Variants in PIK3C2G observed in about 807,000 individuals in gnomAD.
PIK3C2G encodes phosphatidylinositol-4-phosphate 3-kinase catalytic subunit type 2 gamma.
Under a neutral mutation model 181.1 loss-of-function variants are expected in PIK3C2G, and 168 were observed. That is an observed-to-expected ratio of 0.93 (90% CI 0.82 to 1.05). The LOEUF is 1.05. Ranked by LOEUF, PIK3C2G falls within the 50% of genes least tolerant of loss-of-function variation. The pLI, the probability that PIK3C2G is intolerant of heterozygous loss-of-function variation, is 0.00. For synonymous variants in PIK3C2G, 573 were observed against 592.2 expected, an observed-to-expected ratio of 0.97 and a Z score of 0.47; for missense variants, 1,869 against 1,732.8, an observed-to-expected ratio of 1.08 and a Z score of -1.40.
At chr12:18,244,864 G>T (rs1485264484), upstream of PIK3C2G, among the ~76,000 whole-genome samples, 3 of 151,942 alleles carry the variant, frequency 2.0e-5, no homozygotes, top group Non-Finnish European at 2.9e-5. Context: ...AAAGAAGAAG[G>T]CACAATTTTT....
At chr12:18,645,866 C>T (rs1211491742) in intron 32 of PIK3C2G, among the ~76,000 whole-genome samples, 2 of 152,090 alleles carry the variant, frequency 1.3e-5, no homozygotes, top group African/African-American at 4.8e-5. Flanking sequence ...AGTCCTTAGC[C>T]AGACTTCCCC....
intron 9 of PIK3C2G, among the ~76,000 whole-genome samples, chr12:18,341,445 T>A (rs1353745645): frequency 6.6e-6 from 1 of 152,160 alleles, no homozygotes; most frequent in Non-Finnish European, 1.5e-5. Flanking sequence ...TATATTTTGA[T>A]AAGACTAAAA....
At chr12:18,583,167 G>A (rs1054808201) in intron 29 of PIK3C2G, among the ~76,000 whole-genome samples, 3 of 151,850 alleles carry the variant, frequency 2.0e-5, no homozygotes, top group Non-Finnish European at 4.4e-5. Flanking sequence ...CTGTCAGTGT[G>A]TTCAGGCCAG....
rs189651788 is a variant in PIK3C2G at position 18,595,603 on chromosome 12, C to T, written c.4087+1034C>T. On this transcript the variant is annotated intron_variant, in intron 30 of 32. Coordinates refer to ENST00000538779, the MANE Select transcript of PIK3C2G (RefSeq NM_001288772.2). Reference sequence around the variant, plus strand: ...AGGAATTTAAGGAATTTATTTTTTTCAAATGCCAATTCAATCATCTCTCTT... The same window carrying T: ...AGGAATTTAAGGAATTTATTTTTTTTAAATGCCAATTCAATCATCTCTCTT... 6.1e-3 allele frequency among the ~76,000 whole-genome samples: 923 copies of T among 152,162 alleles called. 2 individuals carry two copies. Among genetic ancestry groups the T allele is most frequent in the Middle Eastern group, 0.01 (3 of 294 alleles).
At chr12:18,718,323 C>T in the PIK3C2G span, among the ~76,000 whole-genome samples, 1 of 152,126 alleles carries the variant, frequency 6.6e-6, no homozygotes, top group Non-Finnish European at 1.5e-5. Context: ...AAATCATCTT[C>T]TACCTCCACT....
chr12:18,342,333 A>C (rs1364567450), intron 9 of PIK3C2G, among the ~76,000 whole-genome samples: 1 of 152,060 alleles, frequency 6.6e-6, no homozygotes, highest in Non-Finnish European at 1.5e-5. Context: ...GTTGCATATA[A>C]ATGTAATGAC....
At chr12:18,596,441 T>C (rs925056454) in intron 30 of PIK3C2G, among the ~76,000 whole-genome samples, 11 of 151,854 alleles carry the variant, frequency 7.2e-5, no homozygotes, top group African/African-American at 1.2e-4. Context: ...TCCTATATAT[T>C]CTCCCAAAAT....
At chr12:18,555,445 T>TGATAGACTCAATTGCCCA (rs1944956237) in intron 26 of PIK3C2G, among the ~76,000 whole-genome samples, 1 of 152,182 alleles carries the variant, frequency 6.6e-6, no homozygotes, top group Admixed American at 6.6e-5. Context: ...TTTCTGAGAC[T>TGATAGACTCAATTGCCCA]GATAGACTCA....
At chr12:18,325,998 T>C (rs550996837) in intron 8 of PIK3C2G, among the ~76,000 whole-genome samples, 92 of 152,220 alleles carry the variant, frequency 6.0e-4, no homozygotes, top group South Asian at 2.7e-3. Context: ...AAAGAGATGA[T>C]GAGGGCATGG....
intron 16 of PIK3C2G, among the ~76,000 whole-genome samples, chr12:18,403,798 G>A (rs1411604306): frequency 6.6e-6 from 1 of 152,106 alleles, no homozygotes; most frequent in Non-Finnish European, 1.5e-5. Context: ...TAGAGAAGGG[G>A]GTGCTGTCAG....
chr12:18,683,399 C>G, the PIK3C2G span: 1 of 1,510,866 alleles, frequency 6.6e-7, no homozygotes, highest in African/African-American at 1.4e-5. Flanking sequence ...TGCTGAGAAA[C>G]AAGAGCTCTT....
intron 24 of PIK3C2G, among the ~76,000 whole-genome samples, chr12:18,526,008 CCT>C (rs1490781727): frequency 2.0e-5 from 3 of 152,012 alleles, no homozygotes; most frequent in Non-Finnish European, 2.9e-5. Context: ...ACAAAAATTC[CCT>C]GTGTTTATAA....
At chr12:18,683,248 G>A in the PIK3C2G span, 8 of 1,612,114 alleles carry the variant, frequency 5.0e-6, no homozygotes, top group Admixed American at 1.7e-5. Flanking sequence ...GTTATCTGAC[G>A]TACCAAACAT....
At chr12:18,688,204 G>A in the PIK3C2G span, 1 of 1,609,038 alleles carries the variant, frequency 6.2e-7, no homozygotes, top group Non-Finnish European at 8.5e-7. Context: ...GAGGCAACTG[G>A]ATACCACTGA....
At chr12:18,544,649 G>A (rs1056864884) in intron 25 of PIK3C2G, among the ~76,000 whole-genome samples, 4 of 151,700 alleles carry the variant, frequency 2.6e-5, no homozygotes, top group African/African-American at 7.3e-5. Context: ...TGGTGGCAGT[G>A]TAAATGAAAC....
the PIK3C2G span, among the ~76,000 whole-genome samples, chr12:18,687,427 C>CG: frequency 6.6e-6 from 1 of 152,142 alleles, no homozygotes; most frequent in African/African-American, 2.4e-5. Flanking sequence ...TCAAGGTGAT[C>CG]CTGACCAGGG....
chr12:18,519,991 T>A (rs1942803362), intron 24 of PIK3C2G, among the ~76,000 whole-genome samples: 1 of 111,474 alleles, frequency 9.0e-6, no homozygotes, highest in Non-Finnish European at 1.8e-5. Flanking sequence ...CCAAGAATGA[T>A]CAATAAATAC....
the PIK3C2G span, chr12:18,719,667 C>T: frequency 2.1e-6 from 3 of 1,429,482 alleles, no homozygotes; most frequent in African/African-American, 2.9e-5. Flanking sequence ...TAAAAGGATG[C>T]AAAAATACCA....
intron 20 of PIK3C2G, among the ~76,000 whole-genome samples, chr12:18,492,457 T>C (rs1940655246): frequency 6.6e-6 from 1 of 152,228 alleles, no homozygotes; most frequent in Non-Finnish European, 1.5e-5. Flanking sequence ...TTGATATGCT[T>C]CATAAATATA....
Sources: allele counts gnomAD v4.1 joint callset (sites outside exome capture counted in the v4.1 genomes callset), GRCh38; gene constraint gnomAD v4.1.1; transcripts MANE v1.5; gene names NCBI Gene and HGNC (gene_info 2026-07-23, HGNC 2026-07-21).